Variants in NLGN2 observed in about 807,000 individuals in gnomAD.
NLGN2 encodes the protein neuroligin-2.
A neutral mutation model predicts 48.6 loss-of-function variants in NLGN2; 11 were observed. The observed-to-expected ratio is 0.23, with a 90% confidence interval of 0.14 to 0.37. The LOEUF (loss-of-function observed/expected upper bound fraction) is 0.37. Among genes scored for constraint, NLGN2 ranks in the 10% least tolerant of loss-of-function variants. The probability of loss-of-function intolerance (pLI) is 1.00; values close to 1 mark genes in which losing one functional copy is unlikely to be tolerated. For synonymous variants in NLGN2, 548 were observed against 550.0 expected (o/e 1.00, Z 0.05); for missense variants, 801 against 1,225.2 (o/e 0.65, Z 5.17).
At chr17:7,407,615 G>A (rs543077615), upstream of NLGN2, among the ~76,000 whole-genome samples, 8 of 152,232 alleles carry the variant, frequency 5.3e-5, no homozygotes, top group African/African-American at 1.9e-4. Flanking sequence ...TCCCTCCCAG[G>A]GAGGTGGGAG....
rs776581441 is a variant in NLGN2 at position 7,417,602 on chromosome 17, C to T, written c.2311C>T (p.Leu771=). ...LRPACPPDYT[L]ALRRAPDDVP... ...CCCTGCCTGCCCGCCCGACTACACC[C>T]TGGCCCTGCGCCGGGCACCGGACGA... is the stretch of plus-strand genomic sequence containing the variant. Residue 771 remains leucine (L), a synonymous_variant, in exon 7 of 7, where the codon CTG becomes TTG. Transcript: ENST00000302926. The T allele has an allele frequency of 2.8e-6, 4 of 1,425,890 alleles. No homozygotes were observed. Among genetic ancestry groups the T allele is most frequent in the Non-Finnish European group, 3.6e-6 (4 of 1,099,046 alleles). The allele number at this position is 1,425,890 out of a possible 1,614,324, so 88.3% of individuals were successfully genotyped here. A position where few individuals can be genotyped will look rare whatever the true frequency, so the allele number is the denominator to read the frequency against.
rs2150813411 is a variant in NLGN2, at chr17:7,411,114, A to G, written c.458-1043A>G. 6.6e-6 allele frequency among the ~76,000 whole-genome samples: 1 copy of G among 152,362 alleles called. No homozygotes were observed. Among genetic ancestry groups the G allele is most frequent in the African/African-American group, 2.4e-5 (1 of 41,592 alleles). On this transcript the variant is annotated intron_variant, in intron 1 of 6. Transcript: ENST00000302926. The surrounding 1 kb of genome is among the most constrained non-coding windows in gnomAD (Gnocchi z 4.5). ...ACCCCGTAATCTGGAAGAAGCCCTG[A>G]CACTGGGCGAACCTGGTGCTCCCGG...
intron 1 of NLGN2, among the ~76,000 whole-genome samples, chr17:7,409,189 T>G (rs1476160946): frequency 1.3e-5 from 2 of 152,050 alleles, no homozygotes; most frequent in African/African-American, 4.8e-5. Context: ...CCTCTCCCCC[T>G]GGCTGGTGAG....
intron 1 of NLGN2, among the ~76,000 whole-genome samples, chr17:7,409,119 T>A (rs1428006147): frequency 3.3e-5 from 5 of 152,104 alleles, no homozygotes; most frequent in African/African-American, 1.2e-4. Flanking sequence ...GACCTGGGCT[T>A]GTTCCTGGCA....
rs1907278079 is a variant in NLGN2, at chr17:7,419,088, C to G, written c.*1289C>G. On this transcript the variant is annotated 3_prime_UTR_variant, in exon 7 of 7. Coordinates refer to ENST00000302926, the MANE Select transcript of NLGN2 (RefSeq NM_020795.4). ...TCTCCGTCCCCCTCTTTGAAGCTGT[C>G]CCCATCTCAGTGTCAGACCAGCCTT... 1 of 152,380 alleles carries G rather than the reference C, an allele frequency of 6.6e-6. No individual in the cohort carries two copies. Among genetic ancestry groups the G allele is most frequent in the South Asian group, 2.1e-4 (1 of 4,832 alleles). 9.4% of individuals were successfully genotyped at this position (152,380 alleles called of 1,614,324 possible).
Position 7,408,378 on chromosome 17 carries a change from C to T in NLGN2, c.123C>T (p.Phe41=). The part of the protein sequence containing the change: ...LGLGSLGEER[F]PVVNTAYGRV... ...TCGGCAGCCTCGGCGAGGAGCGCTT[C>T]CCGGTGGTGAACACGGCCTACGGGC... Residue 41 remains phenylalanine, a synonymous_variant, in exon 1 of 7, where the codon TTC becomes TTT. Coordinates refer to ENST00000302926, the MANE Select transcript of NLGN2 (RefSeq NM_020795.4). The surrounding 1 kb of genome is among the most constrained non-coding windows in gnomAD (Gnocchi z 7.5). 1 of 1,524,764 alleles carries T rather than the reference C, an allele frequency of 6.6e-7. No homozygotes were observed. Among genetic ancestry groups the T allele is most frequent in the Non-Finnish European group, 8.8e-7 (1 of 1,141,190 alleles). 94.5% of individuals were successfully genotyped at this position (1,524,764 alleles called of 1,614,324 possible).
At position 7,414,417 on chromosome 17, in the gene NLGN2, C is replaced by T. The variant is rs1907015031; in HGVS notation, c.582C>T (p.Asn194=). 6.2e-7 allele frequency: 1 copy of T among 1,614,160 alleles called. No individual in the cohort carries two copies. The highest frequency in any genetic ancestry group is 2.2e-5 in the East Asian group (1 of 44,886). ...HGGSYMEGTG[N]MFDGSVLAAY... Reference sequence around the variant, plus strand: ...GCTCCTACATGGAGGGGACCGGAAACATGTTCGATGGCTCAGTCCTGGCTG... The same window carrying T: ...GCTCCTACATGGAGGGGACCGGAAATATGTTCGATGGCTCAGTCCTGGCTG... Residue 194 remains asparagine, a synonymous_variant, in exon 3 of 7, where the codon AAC becomes AAT. Transcript: ENST00000302926.
chr17:7,412,136 G>A (rs1456656229), intron 1 of NLGN2, 21 bp from the exon 2 acceptor site: 1 of 1,392,926 alleles, frequency 7.2e-7, no homozygotes, highest in Non-Finnish European at 9.5e-7. Context: ...TTTTTTCTCT[G>A]TTTTGTGTTC....
At position 7,418,031 on chromosome 17, in the gene NLGN2, C is replaced by A. The variant is rs568206914; in HGVS notation, c.*232C>A. 4.3e-5 allele frequency: 15 copies of A among 352,056 alleles called. No homozygotes were observed. Among genetic ancestry groups the A allele is most frequent in the African/African-American group, 1.9e-4 (9 of 47,702 alleles). The allele number at this position is 352,056 out of a possible 1,614,324, so 21.8% of individuals were successfully genotyped here. On this transcript the variant is annotated 3_prime_UTR_variant, in exon 7 of 7. Coordinates refer to ENST00000302926, the MANE Select transcript of NLGN2 (RefSeq NM_020795.4). Reference sequence around the variant, plus strand: ...CAACTGGGGGGCGTTTTCTCCCCCCCATTGGGACACCAGTCTTCGGTGTGT... The same window carrying A: ...CAACTGGGGGGCGTTTTCTCCCCCCAATTGGGACACCAGTCTTCGGTGTGT...
chr17:7,416,186 T>C, intron 6 of NLGN2, 79 bp downstream of exon 6: 3 of 1,185,930 alleles, frequency 2.5e-6, no homozygotes, highest in Non-Finnish European at 3.8e-6. Flanking sequence ...GTTAAGGCAC[T>C]CACTCTGGCC....
Position 7,408,020 on chromosome 17 carries a change from T to C in NLGN2, c.-236T>C. On this transcript the variant is annotated 5_prime_UTR_variant, in exon 1 of 7. Transcript: ENST00000302926. The surrounding 1 kb of genome is among the most constrained non-coding windows in gnomAD (Gnocchi z 7.5). Reference sequence around the variant, plus strand: ...CGCTCCACCCCCCGCAGGTCGGGCCTGCCTTCACCTTCTCCCATTTCCTTC... The same window carrying C: ...CGCTCCACCCCCCGCAGGTCGGGCCCGCCTTCACCTTCTCCCATTTCCTTC... 1 of 359,266 alleles carries C rather than the reference T, an allele frequency of 2.8e-6. No homozygotes were observed. Among genetic ancestry groups the C allele is most frequent in the Non-Finnish European group, 5.0e-6 (1 of 201,568 alleles). 22.3% of individuals were successfully genotyped at this position (359,266 alleles called of 1,614,324 possible).
chr17:7,412,052 C>CCTTTTT, intron 1 of NLGN2, 105 bp from the exon 2 acceptor site: 1 of 501,684 alleles, frequency 2.0e-6, no homozygotes, highest in South Asian at 2.0e-5. Context: ...CCACCCTCCC[C>CCTTTTT]TTTTCTGCTT....
Position 7,417,237 on chromosome 17 carries a change from T to A in NLGN2, c.1946T>A (p.Leu649Gln). 3.9e-6 allele frequency: 6 copies of A among 1,542,002 alleles called. No homozygotes were observed. Among genetic ancestry groups the A allele is most frequent in the Non-Finnish European group, 5.2e-6 (6 of 1,147,840 alleles). The change falls in exon 7 of 7, where the codon CTG becomes CAG. Residue 649 changes from leucine to glutamine, a missense_variant. By Grantham distance (113) the Leu-to-Gln change is moderately radical (BLOSUM62 -2). Transcript: ENST00000302926. ...GTRRPPPPAT[L>Q]PPEPEPEPGP... Reference sequence around the variant, plus strand: ...CGCCGGCCCCCGCCGCCTGCCACCCTGCCTCCCGAGCCCGAGCCCGAGCCC... The same window carrying A: ...CGCCGGCCCCCGCCGCCTGCCACCCAGCCTCCCGAGCCCGAGCCCGAGCCC...
chr17:7,415,444 C>T (rs1907060689), intron 5 of NLGN2, 67 bp from the exon 6 acceptor site: 1 of 1,429,208 alleles, frequency 7.0e-7, no homozygotes, highest in African/African-American at 1.4e-5. Flanking sequence ...TGCGTGTGGG[C>T]TTAGCAGGCC....
Position 7,414,858 on chromosome 17 carries a change from G to A in NLGN2, c.844+10G>A, listed in dbSNP as rs772329423. 4 of 1,614,046 alleles carry A rather than the reference G, an allele frequency of 2.5e-6. No homozygotes were observed. In the East Asian group the frequency reaches 8.9e-5, roughly 36 times the overall value. On this transcript the variant is annotated intron_variant, in intron 4 of 6. Coordinates refer to ENST00000302926, the MANE Select transcript of NLGN2 (RefSeq NM_020795.4). ...TCCCACCATTCAGAAGGTACCAGCA[G>A]TGTCCCAGCCTGTTCCACCCTTCCC... is the stretch of plus-strand genomic sequence containing the variant.
Position 7,417,651 on chromosome 17 carries a change from C to T in NLGN2, c.2360C>T (p.Ala787Val). The part of the protein sequence containing the change: ...PDDVPLLAPG[A>V]LTLLPSGLGP... ...GATGTGCCTCTCTTGGCCCCCGGGG[C>T]CCTGACCCTGCTGCCCAGTGGCCTG... is the stretch of plus-strand genomic sequence containing the variant. The change falls in exon 7 of 7, where the codon GCC (alanine) becomes GTC (valine). Residue 787 changes from alanine to valine, a missense_variant. Ala to Val is a moderately conservative substitution (Grantham distance 64). This residue lies in a region of NLGN2 where 276 missense variants were observed against 313.9 expected (regional missense o/e 0.88). Coordinates refer to ENST00000302926, the MANE Select transcript of NLGN2 (RefSeq NM_020795.4). 1 of 1,401,692 alleles carries T rather than the reference C, an allele frequency of 7.1e-7. No individual in the cohort carries two copies. The highest frequency in any genetic ancestry group is 9.2e-7 in the Non-Finnish European group (1 of 1,086,770). The allele number at this position is 1,401,692 out of a possible 1,614,324, so 86.8% of individuals were successfully genotyped here.
chr17:7,418,926 A>G lies in NLGN2; in HGVS notation c.*1127A>G, dbSNP rs3174744. ...TCCCAAAATGTGCCAAGAATTTCCC[A>G]GTCCCAGGCAGGGCAGGGGAAACTA... On this transcript the variant is annotated 3_prime_UTR_variant, in exon 7 of 7. Coordinates refer to ENST00000302926, the MANE Select transcript of NLGN2 (RefSeq NM_020795.4). 48,258 of 152,486 alleles carry G rather than the reference A, an allele frequency of 0.32. 8,715 individuals are homozygous for G. The highest frequency in any genetic ancestry group is 0.78 in the East Asian group (4,001 of 5,148). The allele number at this position is 152,486 out of a possible 1,614,324, so 9.4% of individuals were successfully genotyped here. A position where few individuals can be genotyped will look rare whatever the true frequency, so the allele number is the denominator to read the frequency against.
In NLGN2 at chr17:7,415,115, G is replaced by C. The variant is rs771468284; in HGVS notation, c.1004G>C (p.Arg335Pro). 6.2e-7 allele frequency: 1 copy of C among 1,606,148 alleles called. No individual in the cohort carries two copies. The highest frequency in any genetic ancestry group is 8.5e-7 in the Non-Finnish European group (1 of 1,175,272). Residue 335 changes from arginine (R) to proline (P), a missense_variant, in exon 5 of 7, where the codon CGG (arginine) becomes CCG (proline). Around this residue, in one of 5 missense-constraint regions of NLGN2, gnomAD observed 303 missense variants for 600.1 expected, o/e 0.50. Transcript: ENST00000302926. ...GAGTGTCTGCGCCGGAAGCCCTCCC[G>C]GGAGCTGGTGGACCAGGACGTGCAG... ...AVECLRRKPSRELVDQDVQPA... is the reference protein window; with the variant it reads ...AVECLRRKPSPELVDQDVQPA...
intron 1 of NLGN2, among the ~76,000 whole-genome samples, chr17:7,410,436 C>T (rs1455073806): frequency 6.6e-6 from 1 of 152,006 alleles, no homozygotes. Flanking sequence ...GTACAATGCC[C>T]TCCACAGAAG....
Sources: gnomAD v4.1 joint callset for allele counts (sites outside exome capture counted in the v4.1 genomes callset) on GRCh38, gnomAD v4.1.1 for gene constraint, gnomAD v4.1.1 regional missense constraint, Gnocchi (gnomAD v3.1) non-coding constraint, MANE v1.5 for transcripts, NCBI Gene and HGNC (gene_info 2026-07-23, HGNC 2026-07-21) for gene names.